ARHGAP15: variants seen among roughly 807,000 people sequenced by gnomAD.
The protein encoded by ARHGAP15 is rho GTPase-activating protein 15.
In ARHGAP15, 51 loss-of-function variants were observed where a neutral mutation model predicts 63.7. That is an observed-to-expected ratio of 0.80 (90% CI 0.64 to 1.01). The LOEUF (loss-of-function observed/expected upper bound fraction) is 1.01, where lower values mean the gene tolerates loss of function less well. Among genes scored for constraint, ARHGAP15 ranks in the 50% least tolerant of loss-of-function variants. The pLI is 0.00. For synonymous variants in ARHGAP15, 191 were observed against 193.8 expected (o/e 0.99, Z 0.12); for missense variants, 560 against 564.6 (o/e 0.99, Z 0.08).
At chr2:143,170,322 T>C (rs556757308) in intron 2 of ARHGAP15, among the ~76,000 whole-genome samples, 5 of 152,102 alleles carry the variant, frequency 3.3e-5, no homozygotes, top group Admixed American at 6.6e-5. Flanking sequence ...TGTGGGGACA[T>C]CTATATGTAC....
At chr2:143,671,603 T>C (rs1342256624) in intron 12 of ARHGAP15, among the ~76,000 whole-genome samples, 1 of 152,148 alleles carries the variant, frequency 6.6e-6, no homozygotes, top group Non-Finnish European at 1.5e-5. Flanking sequence ...GCAAAAAAAG[T>C]CATTGCATTT....
chr2:143,144,171 G>C (rs1689485628), intron 1 of ARHGAP15, among the ~76,000 whole-genome samples: 2 of 151,910 alleles, frequency 1.3e-5, no homozygotes, highest in African/African-American at 4.8e-5. Context: ...TTGTTGATGG[G>C]CATTTAGATT....
chr2:143,646,233 C>T lies in ARHGAP15; in HGVS notation c.1138+21966C>T, dbSNP rs867331965. 4.6e-5 allele frequency among the ~76,000 whole-genome samples: 7 copies of T among 151,808 alleles called. No individual in the cohort carries two copies. The South Asian group carries it at 8.3e-4, about 18-fold the overall frequency. On this transcript the variant is annotated intron_variant, in intron 12 of 13. Transcript: ENST00000295095. Reference sequence around the variant, plus strand: ...CAGTGCATTCTTCTATTCTGTTGCTCATGGTGTTTCAGAATGACACTCTTG... The same window carrying T: ...CAGTGCATTCTTCTATTCTGTTGCTTATGGTGTTTCAGAATGACACTCTTG...
rs561035551 is a variant in ARHGAP15, at chr2:143,210,955, C to G, written c.235-5429C>G. Among the ~76,000 whole-genome samples the G allele has an allele frequency of 3.3e-5, 5 of 151,452 alleles. 1 individual carries two copies. In the South Asian group the frequency reaches 8.3e-4, roughly 25 times the overall value. ...ATCAGACAAAAACATCATACTGAAT[C>G]TATGTCTAAAGGCATAATATTTCAT... On this transcript the variant is annotated intron_variant, in intron 3 of 13. Transcript: ENST00000295095.
intron 6 of ARHGAP15, among the ~76,000 whole-genome samples, chr2:143,395,377 G>A (rs1687714627): frequency 6.6e-6 from 1 of 152,112 alleles, no homozygotes. Flanking sequence ...ATTCTCTGGT[G>A]AATAAAACAA....
intron 2 of ARHGAP15, among the ~76,000 whole-genome samples, chr2:143,182,349 A>G (rs1271792766): frequency 2.6e-5 from 4 of 152,150 alleles, no homozygotes; most frequent in Non-Finnish European, 4.4e-5. Flanking sequence ...GAGGCAGAGG[A>G]GAGGGAAAGA....
intron 3 of ARHGAP15, among the ~76,000 whole-genome samples, chr2:143,213,616 T>C (rs900061402): frequency 6.6e-6 from 1 of 152,202 alleles, no homozygotes; most frequent in African/African-American, 2.4e-5. Flanking sequence ...CGTGTAGAAA[T>C]CTGCATGTAA....
intron 6 of ARHGAP15, among the ~76,000 whole-genome samples, chr2:143,409,312 ATGGGACACTAATGAGAGAATCT>A (rs934296977): frequency 1.3e-5 from 2 of 151,960 alleles, no homozygotes; most frequent in Non-Finnish European, 2.9e-5. Flanking sequence ...GCTATTTTTG[ATGGGACACTAATGAGAGAATCT>A]TTTTTTTTTA....
chr2:143,211,406 A>T (rs1558816429), intron 3 of ARHGAP15, among the ~76,000 whole-genome samples: 1 of 152,114 alleles, frequency 6.6e-6, no homozygotes, highest in Non-Finnish European at 1.5e-5. Flanking sequence ...GGGTAAAATA[A>T]TGTAACCAAA....
intron 12 of ARHGAP15, among the ~76,000 whole-genome samples, chr2:143,628,617 GC>G (rs1271354422): frequency 6.6e-6 from 1 of 152,104 alleles, no homozygotes; most frequent in Non-Finnish European, 1.5e-5. Context: ...TCTGGTTTCA[GC>G]TCCCATCTGG....
intron 10 of ARHGAP15, among the ~76,000 whole-genome samples, chr2:143,542,837 A>AAT (rs1270922985): frequency 2.0e-4 from 24 of 118,820 alleles, no homozygotes; most frequent in Non-Finnish European, 2.8e-4. Flanking sequence ...TCACATATAT[A>AAT]GTATATATGA....
chr2:143,508,346 C>T (rs564575146), intron 9 of ARHGAP15, among the ~76,000 whole-genome samples: 2 of 152,174 alleles, frequency 1.3e-5, no homozygotes, highest in African/African-American at 2.4e-5. Context: ...CTGGCAACAC[C>T]AATAGCTCTC....
chr2:143,724,629 G>A (rs1358598922), intron 13 of ARHGAP15, among the ~76,000 whole-genome samples: 2 of 152,148 alleles, frequency 1.3e-5, no homozygotes, highest in African/African-American at 4.8e-5. Context: ...AAGTGGAGGT[G>A]TGATATTAAA....
At chr2:143,313,467 T>A (rs1159206363) in intron 6 of ARHGAP15, among the ~76,000 whole-genome samples, 1 of 152,162 alleles carries the variant, frequency 6.6e-6, no homozygotes. Context: ...CATGGTCATT[T>A]CCCCTGTGTC....
chr2:143,194,160 A>G (rs941393164), intron 2 of ARHGAP15, among the ~76,000 whole-genome samples: 1 of 152,158 alleles, frequency 6.6e-6, no homozygotes, highest in East Asian at 1.9e-4. Context: ...ATTATTTTCT[A>G]TGTTGCTTTC....
chr2:143,615,321 C>T (rs563505728), intron 11 of ARHGAP15, among the ~76,000 whole-genome samples: 4 of 152,260 alleles, frequency 2.6e-5, no homozygotes, highest in African/African-American at 7.2e-5. Flanking sequence ...TGAAGAAATA[C>T]TTCCAGACAG....
chr2:143,510,810 C>G (rs1559018977), intron 9 of ARHGAP15, among the ~76,000 whole-genome samples: 1 of 152,204 alleles, frequency 6.6e-6, no homozygotes, highest in Non-Finnish European at 1.5e-5. Flanking sequence ...ATGTGTGTGT[C>G]CTTCTAGGTG....
chr2:143,179,020 G>T (rs771046661), intron 2 of ARHGAP15, among the ~76,000 whole-genome samples: 8 of 152,208 alleles, frequency 5.3e-5, no homozygotes, highest in Non-Finnish European at 1.0e-4. Flanking sequence ...ATGCTCATTT[G>T]CTGCCATGCT....
chr2:143,214,123 G>A (rs181395737), intron 3 of ARHGAP15, among the ~76,000 whole-genome samples: 40 of 152,172 alleles, frequency 2.6e-4, no homozygotes, highest in East Asian at 3.9e-4. Flanking sequence ...AATGTCTACC[G>A]AGGGATCTTT....
Sources: allele counts gnomAD v4.1 joint callset (sites outside exome capture counted in the v4.1 genomes callset), GRCh38; gene constraint gnomAD v4.1.1; transcripts MANE v1.5; gene names NCBI Gene and HGNC (gene_info 2026-07-23, HGNC 2026-07-21).